The following PPA2 variants were observed in gnomAD, a reference collection of about 807,000 sequenced individuals.
The protein encoded by PPA2 is inorganic pyrophosphatase 2, mitochondrial.
Under a neutral mutation model 49.5 loss-of-function variants are expected in PPA2, and 48 were observed. That is an observed-to-expected ratio of 0.97 (90% CI 0.77 to 1.23). The LOEUF (loss-of-function observed/expected upper bound fraction) is 1.23, where lower values mean the gene tolerates loss of function less well. Among genes scored for constraint, PPA2 ranks in the 50% most tolerant of loss-of-function variants. The pLI, the probability that PPA2 is intolerant of heterozygous loss-of-function variation, is 0.00. For synonymous variants in PPA2, 131 were observed against 139.9 expected (o/e 0.94, Z 0.45); for missense variants, 429 against 410.1 (o/e 1.05, Z -0.40).
intron 7 of PPA2, among the ~76,000 whole-genome samples, chr4:105,411,942 G>A (rs1722780414): frequency 6.6e-6 from 1 of 152,126 alleles, no homozygotes; most frequent in Non-Finnish European, 1.5e-5. Context: ...AATAAAAGAA[G>A]CCACAAACAA....
intron 5 of PPA2, among the ~76,000 whole-genome samples, chr4:105,441,664 T>C (rs772604121): frequency 1.3e-5 from 2 of 152,120 alleles, no homozygotes; most frequent in Non-Finnish European, 2.9e-5. Flanking sequence ...AACTTTAGCA[T>C]GGACCCAAGA....
intron 1 of PPA2, among the ~76,000 whole-genome samples, chr4:105,462,379 T>G (rs1723130155): frequency 6.6e-6 from 1 of 152,220 alleles, no homozygotes; most frequent in Non-Finnish European, 1.5e-5. Context: ...AAAACATCTA[T>G]TTTGCTGTTG....
chr4:105,386,372 A>T (rs1179874223), intron 10 of PPA2, among the ~76,000 whole-genome samples, 195 bp downstream of exon 10: 2 of 152,226 alleles, frequency 1.3e-5, no homozygotes, highest in African/African-American at 4.8e-5. Flanking sequence ...TACAAAATTT[A>T]AAAACTCAAC....
At position 105,369,264 on chromosome 4, in the gene PPA2, G is replaced by A. The variant is rs113965201; in HGVS notation, c.*461C>T. On this transcript the variant is annotated 3_prime_UTR_variant, in exon 12 of 12. Coordinates refer to ENST00000341695, the MANE Select transcript of PPA2 (RefSeq NM_176869.3). ...TTTTGAGACGGAGTCTCTCTCTGTC[G>A]CCTAGGCTGGAGTGCAGTGGCACAA... 18,482 of 149,182 alleles carry A rather than the reference G, an allele frequency of 0.12. 1,193 individuals carry two copies. The highest frequency in any genetic ancestry group is 0.15 in the African/African-American group (6,054 of 40,198). 9.2% of individuals were successfully genotyped at this position (149,182 alleles called of 1,614,324 possible).
chr4:105,380,131 T>C (rs1358743172), intron 10 of PPA2, among the ~76,000 whole-genome samples: 4 of 152,304 alleles, frequency 2.6e-5, no homozygotes, highest in South Asian at 2.1e-4. Context: ...ACAATAGTAG[T>C]AGAAGCCAAC....
chr4:105,470,228 C>T (rs1723465501), intron 1 of PPA2, among the ~76,000 whole-genome samples: 6 of 152,234 alleles, frequency 3.9e-5, no homozygotes, highest in Admixed American at 2.6e-4. Context: ...CAAAGGAATA[C>T]TGGCATGCAG....
Position 105,446,499 on chromosome 4 carries a change from C to G in PPA2, c.325G>C (p.Ala109Pro). The stretch of plus-strand genomic sequence containing the variant: ...ATGGGATTCATTGGCTCCTTGGTGG[C>G]AATCTAAGCAAATCACAGAAGGAAG... ...PRWTNAKMEIATKEPMNPIKQ... is the reference protein window; with the variant it reads ...PRWTNAKMEIPTKEPMNPIKQ... Residue 109 changes from alanine to proline, a missense_variant, in exon 5 of 12, where the codon GCC becomes CCC. Coordinates refer to ENST00000341695, the MANE Select transcript of PPA2 (RefSeq NM_176869.3). 6.3e-7 allele frequency: 1 copy of G among 1,598,698 alleles called. No homozygotes were observed. The highest frequency in any genetic ancestry group is 8.5e-7 in the Non-Finnish European group (1 of 1,174,926).
chr4:105,404,298 C>A (rs921384986), intron 7 of PPA2, among the ~76,000 whole-genome samples: 46 of 151,794 alleles, frequency 3.0e-4, no homozygotes, highest in African/African-American at 1.1e-3. Flanking sequence ...AAAACTCTTG[C>A]CTACTGAAAA....
At chr4:105,473,829 C>T in intron 1 of PPA2, 65 bp downstream of exon 1, 3 of 1,552,754 alleles carry the variant, frequency 1.9e-6, no homozygotes, top group Non-Finnish European at 1.7e-6. Flanking sequence ...CCAAGTGTCC[C>T]CCATTCCATC....
Position 105,449,481 on chromosome 4 carries a change from T to C in PPA2, c.268-78A>G, listed in dbSNP as rs574251357. The C allele has an allele frequency of 4.4e-5, 37 of 845,586 alleles. No individual in the cohort carries two copies. The African/African-American group carries it at 6.4e-4, about 15-fold the overall frequency. 52.4% of individuals were successfully genotyped at this position (845,586 alleles called of 1,614,324 possible). ...TTTTCCGTTACCTCCCTTATAAGAATACCTTAGATGTTTTCCCCCGACAAA... is the reference window on the plus strand; with the variant it reads ...TTTTCCGTTACCTCCCTTATAAGAACACCTTAGATGTTTTCCCCCGACAAA... On this transcript the variant is annotated intron_variant, in intron 3 of 11. Coordinates refer to ENST00000341695, the MANE Select transcript of PPA2 (RefSeq NM_176869.3).
chr4:105,473,321 G>C (rs187060896), intron 1 of PPA2: 1 of 257,948 alleles, frequency 3.9e-6, no homozygotes, highest in Admixed American at 5.5e-5. Context: ...TCACACTCAG[G>C]GTGTAAACTT....
chr4:105,370,321 T>C (rs1732971272), intron 11 of PPA2, among the ~76,000 whole-genome samples: 1 of 152,204 alleles, frequency 6.6e-6, no homozygotes, highest in Admixed American at 6.5e-5. Flanking sequence ...AATCTTGCAA[T>C]ATTTTGAAAG....
In PPA2 at chr4:105,473,922, G is replaced by T; in HGVS notation, c.129C>A (p.Pro43=). Residue 43 remains proline (P), a synonymous_variant, in exon 1 of 12, where the codon CCC becomes CCA. Transcript: ENST00000341695. ...ALYHTEERGQ[P]CSQNYRLFFK... ...AGAAGAGGCGGTAATTCTGCGAGCA[G>T]GGCTGGCCGCGCTCCTCAGTGTGGT... 6.2e-7 allele frequency: 1 copy of T among 1,607,560 alleles called. No individual in the cohort carries two copies. The highest frequency in any genetic ancestry group is 8.5e-7 in the Non-Finnish European group (1 of 1,175,904).
At chr4:105,463,299 C>T (rs909268905) in intron 1 of PPA2, among the ~76,000 whole-genome samples, 18 of 152,060 alleles carry the variant, frequency 1.2e-4, no homozygotes, top group African/African-American at 4.1e-4. Context: ...CAGCATTATG[C>T]CCCTGCCCTA....
chr4:105,449,814 T>A (rs1228897804), intron 3 of PPA2, among the ~76,000 whole-genome samples: 1 of 152,196 alleles, frequency 6.6e-6, no homozygotes, highest in Non-Finnish European at 1.5e-5. Flanking sequence ...ACTCACCACA[T>A]GAGGTTGTTA....
intron 9 of PPA2, among the ~76,000 whole-genome samples, chr4:105,391,344 CAAAAAAAA>C (rs11373169): frequency 9.8e-6 from 1 of 102,524 alleles, no homozygotes; most frequent in Non-Finnish European, 1.9e-5. Context: ...CTTAAAGTAA[CAAAAAAAA>C]AAAAAAAAAA....
intron 1 of PPA2, among the ~76,000 whole-genome samples, chr4:105,470,758 A>G (rs1723490938): frequency 6.6e-6 from 1 of 152,244 alleles, no homozygotes; most frequent in South Asian, 2.1e-4. Flanking sequence ...ATTCTATAAA[A>G]TTACTAGTGC....
chr4:105,385,451 C>A (rs530252722), intron 10 of PPA2, among the ~76,000 whole-genome samples: 81 of 149,320 alleles, frequency 5.4e-4, no homozygotes, highest in South Asian at 2.8e-3. Flanking sequence ...AAAAAACAAA[C>A]AAAAAAAACA....
At chr4:105,402,977 TTC>T (rs757983287) in intron 7 of PPA2, among the ~76,000 whole-genome samples, 5 of 149,930 alleles carry the variant, frequency 3.3e-5, no homozygotes, top group Non-Finnish European at 5.9e-5. Flanking sequence ...GTCCTCAAAA[TTC>T]TTTCTTTTTC....
Sources: gnomAD v4.1 joint callset for allele counts (sites outside exome capture counted in the v4.1 genomes callset) on GRCh38, gnomAD v4.1.1 for gene constraint, MANE v1.5 for transcripts, NCBI Gene and HGNC (gene_info 2026-07-23, HGNC 2026-07-21) for gene names.